AMPD1: variants seen among roughly 807,000 people sequenced by gnomAD.
The protein encoded by AMPD1 is adenosine monophosphate deaminase 1.
A neutral mutation model predicts 82.9 loss-of-function variants in AMPD1; 74 were observed. That is an observed-to-expected ratio of 0.89 (90% CI 0.74 to 1.08). The LOEUF (loss-of-function observed/expected upper bound fraction) is 1.08, where lower values mean the gene tolerates loss of function less well. AMPD1 is among the 50% of genes least tolerant of loss of function. The probability of loss-of-function intolerance (pLI) is 0.00; values close to 1 mark genes in which losing one functional copy is unlikely to be tolerated. For missense variants in AMPD1, 881 were observed against 924.5 expected (o/e 0.95, Z 0.61); for synonymous variants, 333 against 320.5 (o/e 1.04, Z -0.42).
rs34257411 is a variant in AMPD1 at position 114,674,038 on chromosome 1, G to T, written c.1845C>A (p.Ile615=). Residue 615 remains isoleucine, a synonymous_variant, in exon 14 of 16, where the codon ATC becomes ATA. Transcript: ENST00000520113. ...TATTGTTACTTAGTGGTGACATGGC[G>T]ATGGGAATTTGGGCTAAGAAAAACA... ...QYLFFLAQIP[I]AMSPLSNNSL... 4 of 1,614,004 alleles carry T rather than the reference G, an allele frequency of 2.5e-6. No homozygotes were observed. The African/African-American group carries it at 5.3e-5, about 22-fold the overall frequency.
In AMPD1 at chr1:114,680,262, G is replaced by A; in HGVS notation, c.764C>T (p.Pro255Leu). ...TTAGGTCTCACTAAACACTTACACA[G>A]GTCCTTGAGCAATTAAAGCAAGTAA... Reference protein sequence around the residue: ...NFLLALIAQGPVKTYTHRRLK... With the variant: ...NFLLALIAQGLVKTYTHRRLK... Residue 255 changes from proline to leucine, a missense_variant, in exon 6 of 16, where the codon CCT (proline) becomes CTT (leucine). Physicochemically the swap from Pro to Leu is moderately conservative, Grantham distance 98. This residue lies in a region of AMPD1 where 783 missense variants were observed against 786.4 expected (regional missense o/e 1.00). Transcript: ENST00000520113. 1 of 1,613,350 alleles carries A rather than the reference G, an allele frequency of 6.2e-7. No individual in the cohort carries two copies. Among genetic ancestry groups the A allele is most frequent in the Non-Finnish European group, 8.5e-7 (1 of 1,179,880 alleles).
Position 114,678,502 on chromosome 1 carries a change from G to A in AMPD1, c.923C>T (p.Ala308Val). 6.2e-7 allele frequency: 1 copy of A among 1,614,098 alleles called. No individual in the cohort carries two copies. The highest frequency in any genetic ancestry group is 8.5e-7 in the Non-Finnish European group (1 of 1,179,996). The change falls in exon 8 of 16, where the codon GCT (alanine) becomes GTT (valine). Residue 308 changes from alanine (A) to valine (V), a missense_variant. This residue lies in a region of AMPD1 where 783 missense variants were observed against 786.4 expected (regional missense o/e 1.00). Coordinates refer to ENST00000520113, the MANE Select transcript of AMPD1 (RefSeq NM_000036.3). ...CAGCAGATGTTTCTGGTTCATGCAAGCGGCTGCATGGATATGGGTGTCCAC... is the reference window on the plus strand; with the variant it reads ...CAGCAGATGTTTCTGGTTCATGCAAACGGCTGCATGGATATGGGTGTCCAC... The part of the protein sequence containing the change: ...RKVDTHIHAA[A>V]CMNQKHLLRF...
At chr1:114,682,849 AT>A (rs1658203412) in intron 5 of AMPD1, among the ~76,000 whole-genome samples, 1 of 152,222 alleles carries the variant, frequency 6.6e-6, no homozygotes, top group African/African-American at 2.4e-5. Context: ...AAGTGCTGGG[AT>A]TATAGGCGTG....
intron 5 of AMPD1, 109 bp downstream of exon 5, chr1:114,684,090 C>G: frequency 1.7e-6 from 2 of 1,203,662 alleles, no homozygotes; most frequent in Non-Finnish European, 2.4e-6. Context: ...ATGATTATGA[C>G]TATGATATTT....
In AMPD1 at chr1:114,673,115, T is replaced by TA; in HGVS notation, c.2242dup (p.Ter748LeufsTer?). On this transcript the variant is annotated frameshift_variant and stop_lost, in exon 16 of 16. Transcript: ENST00000520113. LOFTEE classifies it high-confidence loss of function. ...TATTATTATTTGGTTTACTTTTTTT[T>TA]ATTCTGTTGATTTAAGACCCTCAGC... The TA allele has an allele frequency of 6.2e-7, 1 of 1,613,092 alleles. No individual in the cohort carries two copies. Among genetic ancestry groups the TA allele is most frequent in the Non-Finnish European group, 8.5e-7 (1 of 1,179,074 alleles).
rs1435110786 is a variant in AMPD1 at position 114,688,698 on chromosome 1, G to A, written c.78C>T (p.Ala26=). The part of the protein sequence containing the change: ...AMRNFAEKVF[A]SEVKDEGGRQ... Reference sequence around the variant, plus strand: ...GACCTCCTTCATCTTTGACTTCAGAGGCAAACACTTTTTCAGCAAAGTTGC... The same window carrying A: ...GACCTCCTTCATCTTTGACTTCAGAAGCAAACACTTTTTCAGCAAAGTTGC... The change falls in exon 3 of 16, where the codon GCC becomes GCT. Residue 26 remains alanine (A), a synonymous_variant. Transcript: ENST00000520113. 1 of 1,614,046 alleles carries A rather than the reference G, an allele frequency of 6.2e-7. No individual in the cohort carries two copies. Among genetic ancestry groups the A allele is most frequent in the Non-Finnish European group, 8.5e-7 (1 of 1,180,046 alleles).
At chr1:114,691,540 C>G (rs957232142) in intron 2 of AMPD1, among the ~76,000 whole-genome samples, 2 of 152,130 alleles carry the variant, frequency 1.3e-5, no homozygotes, top group African/African-American at 4.8e-5. Flanking sequence ...TGCACTCCAG[C>G]ATGGGCGACA....
At chr1:114,673,381 GAAT>G (rs1657888752) in intron 15 of AMPD1, 109 bp from the exon 16 acceptor site, 22 of 1,256,248 alleles carry the variant, frequency 1.8e-5, no homozygotes, top group Non-Finnish European at 1.9e-5. Flanking sequence ...ACTGACAAAA[GAAT>G]AATAATAATA....
At chr1:114,684,398 C>T in intron 4 of AMPD1, 34 bp from the exon 5 acceptor site, 1 of 1,609,642 alleles carries the variant, frequency 6.2e-7, no homozygotes, top group Non-Finnish European at 8.5e-7. Context: ...ATATCAGAGT[C>T]AATCCCACGA....
At chr1:114,675,058 A>G (rs1205807092) in intron 12 of AMPD1, 186 bp from the exon 13 acceptor site, 2 of 737,260 alleles carry the variant, frequency 2.7e-6, no homozygotes, top group African/African-American at 3.5e-5. Flanking sequence ...AGCAGAGGAT[A>G]TGGGGGTAAG....
At chr1:114,674,600 G>T in intron 13 of AMPD1, 152 bp downstream of exon 13, 1 of 888,370 alleles carries the variant, frequency 1.1e-6, no homozygotes, top group Non-Finnish European at 1.7e-6. Flanking sequence ...ACTTCTTTCT[G>T]TAGAATGAAC....
chr1:114,676,091 C>T, intron 10 of AMPD1, 88 bp from the exon 11 acceptor site: 1 of 1,464,590 alleles, frequency 6.8e-7, no homozygotes, highest in Non-Finnish European at 9.5e-7. Context: ...AATCGAATGT[C>T]ATGCACAGGA....
intron 3 of AMPD1, among the ~76,000 whole-genome samples, 194 bp downstream of exon 3, chr1:114,688,367 A>T (rs575277943): frequency 1.3e-5 from 2 of 152,236 alleles, no homozygotes; most frequent in African/African-American, 4.8e-5. Flanking sequence ...TCCTCAAGTG[A>T]TCCACCCACC....
rs558299212 is a variant in AMPD1, at chr1:114,675,665, T to G, written c.1544A>C (p.Glu515Ala). 1.9e-6 allele frequency: 3 copies of G among 1,614,208 alleles called. No homozygotes were observed. The African/African-American group carries it at 4.0e-5, about 22-fold the overall frequency. ...HITGFDSVDD[E>A]SKHSGHMFSS... ...GAACATGTGGCCACTGTGTTTGGAC[T>G]CATCATCCACACTGTCAAAGCCAGT... The change falls in exon 12 of 16, where the codon GAG becomes GCG. Residue 515 changes from glutamate (E) to alanine (A), a missense_variant. This residue lies in a region of AMPD1 where 783 missense variants were observed against 786.4 expected (regional missense o/e 1.00). Transcript: ENST00000520113.
rs978552189 is a variant in AMPD1 at position 114,678,205 on chromosome 1, T to C, written c.1092+128A>G. On this transcript the variant is annotated intron_variant, in intron 8 of 15. Transcript: ENST00000520113. ...ACAATGAGCAAACTTCAAAATTGTC[T>C]GTGGTGCTTTCAGGCAGCGTGGTAA... 7 of 1,460,268 alleles carry C rather than the reference T, an allele frequency of 4.8e-6. No homozygotes were observed. In the Admixed American group the frequency reaches 1.0e-4, roughly 21 times the overall value. 90.5% of individuals were successfully genotyped at this position (1,460,268 alleles called of 1,614,324 possible).
intron 15 of AMPD1, 107 bp downstream of exon 15, chr1:114,673,532 T>C: frequency 2.0e-6 from 2 of 989,772 alleles, no homozygotes; most frequent in East Asian, 2.4e-5. Flanking sequence ...AGTAACTGCA[T>C]ATGATTCGTG....
intron 10 of AMPD1, among the ~76,000 whole-genome samples, chr1:114,676,784 C>T (rs1391869500): frequency 1.3e-5 from 2 of 152,162 alleles, no homozygotes; most frequent in Non-Finnish European, 2.9e-5. Flanking sequence ...ATATAAACAC[C>T]CAAGTTAGAT....
chr1:114,680,924 C>T (rs750561986), intron 5 of AMPD1, among the ~76,000 whole-genome samples: 1 of 152,076 alleles, frequency 6.6e-6, no homozygotes, highest in Non-Finnish European at 1.5e-5. Context: ...GCTGAGATAG[C>T]ACCACTGCAC....
intron 4 of AMPD1, chr1:114,684,600 T>C: frequency 1.7e-6 from 1 of 574,676 alleles, no homozygotes; most frequent in Non-Finnish European, 3.1e-6. Context: ...TACTAGTCTT[T>C]CCCTTGTAGT....
Sources: allele counts gnomAD v4.1 joint callset (sites outside exome capture counted in the v4.1 genomes callset), GRCh38; gene constraint gnomAD v4.1.1; regional missense constraint gnomAD v4.1.1; transcripts MANE v1.5; gene names NCBI Gene and HGNC (gene_info 2026-07-23, HGNC 2026-07-21).